SDC3: variants seen among roughly 807,000 people sequenced by gnomAD.
The protein encoded by SDC3 is syndecan-3.
Under a neutral mutation model 24.4 loss-of-function variants are expected in SDC3, and 13 were observed. That is an observed-to-expected ratio of 0.53 (90% CI 0.35 to 0.85). SDC3 has a LOEUF of 0.85. Among genes scored for constraint, SDC3 ranks in the 40% least tolerant of loss-of-function variants. SDC3 has a pLI of 0.01. For synonymous variants in SDC3, 295 were observed against 260.9 expected, an observed-to-expected ratio of 1.13 and a Z score of -1.26; for missense variants, 571 against 584.5, an observed-to-expected ratio of 0.98 and a Z score of 0.24.
intron 3 of SDC3, among the ~76,000 whole-genome samples, chr1:30,876,331 A>G (rs1295259789): frequency 2.0e-5 from 3 of 151,692 alleles, no homozygotes; most frequent in Non-Finnish European, 4.4e-5. Flanking sequence ...CTTCCCCACC[A>G]ATGTCCCATC....
At chr1:30,885,125 A>G (rs1174965295) in intron 1 of SDC3, among the ~76,000 whole-genome samples, 1 of 152,210 alleles carries the variant, frequency 6.6e-6, no homozygotes, top group East Asian at 1.9e-4. Context: ...TTGGGCAGAT[A>G]TTTAACTCTC....
chr1:30,874,452 A>T lies in SDC3; in HGVS notation c.1007T>A (p.Val336Glu), dbSNP rs778090466. The T allele has an allele frequency of 3.1e-6, 5 of 1,613,970 alleles. No homozygotes were observed. The Admixed American group carries it at 5.0e-5, about 16-fold the overall frequency. Reference protein sequence around the residue: ...QPDTANEVVAVGGAAAKASSP... With the variant: ...QPDTANEVVAEGGAAAKASSP... ...TGATGCCTTGGCCGCAGCCCCTCCC[A>T]CAGCTACCACCTCATTGGCTGTGTC... The change falls in exon 4 of 5, where the codon GTG becomes GAG. Residue 336 changes from valine (V) to glutamate (E), a missense_variant. By Grantham distance (121) the Val-to-Glu change is moderately radical. Around this residue, in one of 2 missense-constraint regions of SDC3, gnomAD observed 497 missense variants for 471.6 expected, o/e 1.05. Transcript: ENST00000339394.
In SDC3 at chr1:30,869,672, A is replaced by T; in HGVS notation, c.*3539T>A. 1 of 398,388 alleles carries T rather than the reference A, an allele frequency of 2.5e-6. No homozygotes were observed. The highest frequency in any genetic ancestry group is 4.4e-6 in the Non-Finnish European group (1 of 226,046). The allele number at this position is 398,388 out of a possible 1,614,324, so 24.7% of individuals were successfully genotyped here. A position where few individuals can be genotyped will look rare whatever the true frequency, so the allele number is the denominator to read the frequency against. ...CTTTTTCTTTTGTTTTTCTTATTTA[A>T]GGTTTTGGCCATGAACTCAGGACAG... On this transcript the variant is annotated 3_prime_UTR_variant, in exon 5 of 5. Transcript: ENST00000339394.
At chr1:30,885,576 C>T (rs971624411) in intron 1 of SDC3, among the ~76,000 whole-genome samples, 3 of 152,166 alleles carry the variant, frequency 2.0e-5, no homozygotes, top group Non-Finnish European at 4.4e-5. Context: ...TGAGACTGTT[C>T]GTGAGGGACC....
At position 30,877,158 on chromosome 1, in the gene SDC3, C is replaced by T. The variant is rs201260717; in HGVS notation, c.264G>A (p.Glu88=). ...TGGCTGTCTCAATGCCCGACTCCTG[C>T]TCGAAGTCTGAGGGGGTGGGGGAGA... ...LYSGSGSGYF[E]QESGIETAMR... Residue 88 remains glutamate, a synonymous_variant, in exon 3 of 5, where the codon GAG becomes GAA. Transcript: ENST00000339394. 1 of 1,613,766 alleles carries T rather than the reference C, an allele frequency of 6.2e-7. No homozygotes were observed. Among genetic ancestry groups the T allele is most frequent in the Non-Finnish European group, 8.5e-7 (1 of 1,179,972 alleles).
At chr1:30,892,469 T>A (rs1478572389) in intron 1 of SDC3, among the ~76,000 whole-genome samples, 1 of 151,552 alleles carries the variant, frequency 6.6e-6, no homozygotes, top group Non-Finnish European at 1.5e-5. Flanking sequence ...GAATGAATGA[T>A]CCTAAAACAG....
intron 1 of SDC3, among the ~76,000 whole-genome samples, chr1:30,906,789 T>C (rs574444946): frequency 8.5e-5 from 13 of 152,292 alleles, no homozygotes; most frequent in African/African-American, 3.1e-4. Context: ...GGTTGTGTGA[T>C]TCCCAAGCCT....
chr1:30,884,568 T>C (rs916060570), intron 1 of SDC3, among the ~76,000 whole-genome samples: 7 of 151,788 alleles, frequency 4.6e-5, no homozygotes, highest in Non-Finnish European at 1.0e-4. Context: ...ATGCCCTTTT[T>C]CCCACTGTGG....
At chr1:30,904,566 T>A (rs1205886494) in intron 1 of SDC3, among the ~76,000 whole-genome samples, 4 of 152,144 alleles carry the variant, frequency 2.6e-5, no homozygotes, top group African/African-American at 9.7e-5. Flanking sequence ...AACTCACAGC[T>A]GGAGGCATTG....
rs1187865560 is a variant in SDC3, at chr1:30,908,615, G to T, written c.-29C>A. On this transcript the variant is annotated 5_prime_UTR_variant, in exon 1 of 5. Coordinates refer to ENST00000339394, the MANE Select transcript of SDC3 (RefSeq NM_014654.4). ...GGCGGCGCGGGCGCGGGCGGCGGGC[G>T]GCGGGCGGGCGCCTTTGTTCCCGAG... 3.3e-6 allele frequency: 3 copies of T among 908,190 alleles called. No individual in the cohort carries two copies. In the African/African-American group the frequency reaches 5.5e-5, roughly 17 times the overall value. The allele number at this position is 908,190 out of a possible 1,614,324, so 56.3% of individuals were successfully genotyped here. A position where few individuals can be genotyped will look rare whatever the true frequency, so the allele number is the denominator to read the frequency against.
At chr1:30,873,744 C>T (rs1165201522) in intron 4 of SDC3, among the ~76,000 whole-genome samples, 1 of 152,140 alleles carries the variant, frequency 6.6e-6, no homozygotes, top group African/African-American at 2.4e-5. Flanking sequence ...GAAGACTTAA[C>T]ATGTGAACAG....
intron 1 of SDC3, among the ~76,000 whole-genome samples, chr1:30,894,341 G>GGT (rs1639958593): frequency 9.1e-6 from 1 of 109,936 alleles, no homozygotes; most frequent in Non-Finnish European, 1.9e-5. Context: ...GTGTGTGTGG[G>GGT]GTGTGTGGAT....
chr1:30,895,091 C>A (rs1471322123), intron 1 of SDC3, among the ~76,000 whole-genome samples: 1 of 152,032 alleles, frequency 6.6e-6, no homozygotes, highest in Non-Finnish European at 1.5e-5. Flanking sequence ...GCGGGTAAGC[C>A]CCTGGAGCTG....
At chr1:30,902,100 G>A (rs1028252939) in intron 1 of SDC3, among the ~76,000 whole-genome samples, 1 of 152,210 alleles carries the variant, frequency 6.6e-6, no homozygotes, top group Non-Finnish European at 1.5e-5. Flanking sequence ...TAGCACCAAG[G>A]CCAGGGGTGG....
intron 1 of SDC3, among the ~76,000 whole-genome samples, chr1:30,888,792 C>T (rs1222326157): frequency 6.6e-6 from 1 of 152,232 alleles, no homozygotes; most frequent in Non-Finnish European, 1.5e-5. Flanking sequence ...AGGGACAGAA[C>T]AAGCCAGACT....
intron 1 of SDC3, among the ~76,000 whole-genome samples, chr1:30,892,623 G>A (rs1345018689): frequency 1.3e-5 from 2 of 152,194 alleles, no homozygotes; most frequent in African/African-American, 2.4e-5. Flanking sequence ...GGACGAGGAT[G>A]GGTAGTGACT....
In SDC3 at chr1:30,877,061, G is replaced by T; in HGVS notation, c.361C>A (p.Pro121Thr). 1 of 1,613,976 alleles carries T rather than the reference G, an allele frequency of 6.2e-7. No homozygotes were observed. Among genetic ancestry groups the T allele is most frequent in the Non-Finnish European group, 8.5e-7 (1 of 1,179,984 alleles). ...AGCTCTTCAAATGGTGTGCCCACAG[G>T]CTGGATGTTCGTGGTGGGCAGCACC... ...PAVLPTTNIQ[P>T]VGTPFEELPS... Residue 121 changes from proline to threonine, a missense_variant, in exon 3 of 5, where the codon CCT becomes ACT. By Grantham distance (38) the Pro-to-Thr change is conservative. Around this residue, in one of 2 missense-constraint regions of SDC3, gnomAD observed 497 missense variants for 471.6 expected, o/e 1.05. Transcript: ENST00000339394.
intron 1 of SDC3, among the ~76,000 whole-genome samples, chr1:30,905,116 A>G (rs1638491505): frequency 6.6e-6 from 1 of 152,040 alleles, no homozygotes; most frequent in East Asian, 1.9e-4. Context: ...CCTGGCCCAG[A>G]ACAGCCCAGG....
At chr1:30,875,080 TA>T (rs1639614763) in intron 3 of SDC3, among the ~76,000 whole-genome samples, 1 of 152,294 alleles carries the variant, frequency 6.6e-6, no homozygotes, top group African/African-American at 2.4e-5. Context: ...ACCTGCAGAC[TA>T]TGATGGCCTC....
Sources: allele counts gnomAD v4.1 joint callset (sites outside exome capture counted in the v4.1 genomes callset), GRCh38; gene constraint gnomAD v4.1.1; regional missense constraint gnomAD v4.1.1; transcripts MANE v1.5; gene names NCBI Gene and HGNC (gene_info 2026-07-23, HGNC 2026-07-21).